Variants in PCDHGA5 observed in about 807,000 individuals in gnomAD.
PCDHGA5 encodes the protein protocadherin gamma subfamily A, 5.
In PCDHGA5, 36 loss-of-function variants were observed where a neutral mutation model predicts 56.7. The ratio of observed to expected loss-of-function variants is 0.64; its 90% CI spans 0.49 to 0.84. The LOEUF is 0.84. PCDHGA5 is among the 40% of genes least tolerant of loss of function. The pLI is 0.00. For missense variants in PCDHGA5, 1,305 were observed against 1,201.5 expected (o/e 1.09, Z -1.27); for synonymous variants, 563 against 520.2 (o/e 1.08, Z -1.12).
At chr5:141,418,755 G>A (rs1489556538) in intron 1 of PCDHGA5, 8 of 1,613,898 alleles carry the variant, frequency 5.0e-6, no homozygotes, top group South Asian at 1.1e-5. Context: ...TACACTACAG[G>A]AAACATTCTA....
intron 3 of PCDHGA5, among the ~76,000 whole-genome samples, chr5:141,506,363 C>T (rs1013247178): frequency 4.0e-5 from 6 of 150,792 alleles, no homozygotes; most frequent in South Asian, 4.2e-4. Context: ...GCAGGAGAAT[C>T]GCTTGAACCT....
intron 1 of PCDHGA5, chr5:141,378,627 TG>T (rs1588860853): frequency 6.6e-6 from 1 of 152,240 alleles, no homozygotes; most frequent in Admixed American, 6.5e-5. Context: ...GATGACTGAC[TG>T]GTGAATGGGA....
rs141397385 is a variant in PCDHGA5 at position 141,476,135 on chromosome 5, A to C, written c.2422-18672A>C. 8.4e-4 allele frequency: 1,352 copies of C among 1,608,526 alleles called. 1 individual carries two copies. Among genetic ancestry groups the C allele is most frequent in the Non-Finnish European group, 1.1e-3 (1,319 of 1,178,332 alleles). On this transcript the variant is annotated intron_variant, in intron 1 of 3. Transcript: ENST00000518069. This position sits in a 1 kb window ranked among gnomAD's most constrained non-coding sequence, Gnocchi z 7.6. ...GAGTGAGATGGTCCCAGAGGCCTGG[A>C]GGAGCGGACTGGTAAGCACCGGGAG...
At chr5:141,413,195 G>T (rs771456948) in intron 1 of PCDHGA5, 1 of 1,610,846 alleles carries the variant, frequency 6.2e-7, no homozygotes, top group South Asian at 1.1e-5. Context: ...CAAAGGAATC[G>T]CTCAAAGGAA....
intron 1 of PCDHGA5, among the ~76,000 whole-genome samples, chr5:141,434,567 C>T (rs1220152239): frequency 6.6e-6 from 1 of 152,206 alleles, no homozygotes; most frequent in East Asian, 1.9e-4. Flanking sequence ...TAAGGACATG[C>T]CCCTGCTGCA....
chr5:141,474,685 T>G (rs1562045980), intron 1 of PCDHGA5, among the ~76,000 whole-genome samples: 1 of 152,224 alleles, frequency 6.6e-6, no homozygotes, highest in Non-Finnish European at 1.5e-5. Flanking sequence ...GCCTACCCCT[T>G]CACTTATGTT....
intron 1 of PCDHGA5, chr5:141,382,889 G>A: frequency 2.0e-5 from 30 of 1,532,432 alleles, no homozygotes; most frequent in Non-Finnish European, 2.5e-5. Context: ...AGCAAGAGAA[G>A]CAGGACGACT....
At chr5:141,461,501 T>A (rs113852528) in intron 1 of PCDHGA5, among the ~76,000 whole-genome samples, 4 of 152,310 alleles carry the variant, frequency 2.6e-5, no homozygotes, top group South Asian at 2.1e-4. Context: ...TTATTTTTCT[T>A]GGTGATTTGT....
At chr5:141,505,282 G>C (rs73280377) in intron 2 of PCDHGA5, 111 bp from the exon 3 acceptor site, 37,017 of 1,544,812 alleles carry the variant, frequency 0.024, 1,115 homozygotes, top group African/African-American at 0.15. Context: ...AACAGGTCTT[G>C]GGCATGGGGT....
intron 1 of PCDHGA5, chr5:141,402,866 T>A (rs1339290452): frequency 4.2e-6 from 6 of 1,442,196 alleles, no homozygotes; most frequent in Non-Finnish European, 5.5e-6. Context: ...AAGGAAAAGA[T>A]CACCATACTT....
chr5:141,477,162 C>A lies in PCDHGA5; in HGVS notation c.2422-17645C>A, dbSNP rs147392557. ...GAGGTTGTGGATGTGAATGACAACG[C>A]CCCGGAGATCACAGTCACCTCCGTG... On this transcript the variant is annotated intron_variant, in intron 1 of 3. Transcript: ENST00000518069. This position sits in a 1 kb window ranked among gnomAD's most constrained non-coding sequence, Gnocchi z 4.9. 3.5e-5 allele frequency: 57 copies of A among 1,614,162 alleles called. No homozygotes were observed. The Middle Eastern group carries it at 9.9e-4, about 28-fold the overall frequency.
chr5:141,393,171 G>A (rs768471669), intron 1 of PCDHGA5: 1 of 1,613,268 alleles, frequency 6.2e-7, no homozygotes, highest in Non-Finnish European at 8.5e-7. Context: ...CTTTGGGGTA[G>A]AAATAGAAAT....
chr5:141,465,950 A>G (rs570810183), intron 1 of PCDHGA5, among the ~76,000 whole-genome samples: 2 of 152,102 alleles, frequency 1.3e-5, no homozygotes, highest in African/African-American at 4.8e-5. Flanking sequence ...GTGAAACCCC[A>G]TCTCTACTAA....
chr5:141,440,883 T>C (rs1435173649), intron 1 of PCDHGA5: 4 of 152,178 alleles, frequency 2.6e-5, no homozygotes, highest in Non-Finnish European at 5.9e-5. Flanking sequence ...AGCGTCGGCC[T>C]TCAGGAAGAT....
At chr5:141,415,264 C>G (rs1342050986) in intron 1 of PCDHGA5, 2 of 1,614,210 alleles carry the variant, frequency 1.2e-6, no homozygotes, top group Non-Finnish European at 1.7e-6. Flanking sequence ...CACTCTGTAC[C>G]TGGTGGTAGC....
chr5:141,491,857 G>A lies in PCDHGA5; in HGVS notation c.2422-2950G>A. Reference sequence around the variant, plus strand: ...CTCGGGATCATTGGACCGTTTGCGCGAAACCAGAGTGGCCGATTAAGGGAT... The same window carrying A: ...CTCGGGATCATTGGACCGTTTGCGCAAAACCAGAGTGGCCGATTAAGGGAT... On this transcript the variant is annotated intron_variant, in intron 1 of 3. Transcript: ENST00000518069. This position sits in a 1 kb window ranked among gnomAD's most constrained non-coding sequence, Gnocchi z 6.9. The A allele has an allele frequency of 6.9e-7, 1 of 1,457,470 alleles. No homozygotes were observed. The highest frequency in any genetic ancestry group is 1.5e-5 in the South Asian group (1 of 68,508). The allele number at this position is 1,457,470 out of a possible 1,614,324, so 90.3% of individuals were successfully genotyped here. A position where few individuals can be genotyped will look rare whatever the true frequency, so the allele number is the denominator to read the frequency against.
chr5:141,407,661 T>G (rs964293417), intron 1 of PCDHGA5, among the ~76,000 whole-genome samples: 13 of 152,164 alleles, frequency 8.5e-5, no homozygotes, highest in African/African-American at 2.7e-4. Flanking sequence ...GAGCGCAGTA[T>G]ATATTAAACA....
chr5:141,415,740 G>GTTTT lies in PCDHGA5; in HGVS notation c.2421+49018_2421+49021dup, dbSNP rs57426385. ...TGAGTAGAATTTGATGTTTATTAAG[G>GTTTT]TTTTTTTTTTTTTTTTTTTTTTTTT... On this transcript the variant is annotated intron_variant, in intron 1 of 3. Transcript: ENST00000518069. 3.9e-3 allele frequency: 2,454 copies of GTTTT among 623,032 alleles called. 15 individuals carry two copies. Among genetic ancestry groups the GTTTT allele is most frequent in the South Asian group, 7.6e-3 (262 of 34,698 alleles). 38.6% of individuals were successfully genotyped at this position (623,032 alleles called of 1,614,324 possible).
At chr5:141,480,715 G>A (rs906358826) in intron 1 of PCDHGA5, among the ~76,000 whole-genome samples, 1 of 152,124 alleles carries the variant, frequency 6.6e-6, no homozygotes, top group African/African-American at 2.4e-5. Flanking sequence ...ACAAATGAAA[G>A]CACAGTCTCT....
Sources: allele counts gnomAD v4.1 joint callset (sites outside exome capture counted in the v4.1 genomes callset), GRCh38; gene constraint gnomAD v4.1.1; non-coding constraint Gnocchi (gnomAD v3.1); transcripts MANE v1.5; gene names NCBI Gene and HGNC (gene_info 2026-07-23, HGNC 2026-07-21).